LRRC4C: variants seen among roughly 807,000 people sequenced by gnomAD.
LRRC4C encodes the protein leucine rich repeat containing 4C.
Under a neutral mutation model 33.6 loss-of-function variants are expected in LRRC4C, and 5 were observed. The ratio of observed to expected loss-of-function variants is 0.15; its 90% CI spans 0.08 to 0.31. The LOEUF (loss-of-function observed/expected upper bound fraction) is 0.31. Among genes scored for constraint, LRRC4C ranks in the 10% least tolerant of loss-of-function variants. The probability of loss-of-function intolerance (pLI) is 1.00; values close to 1 mark genes in which losing one functional copy is unlikely to be tolerated. For missense variants in LRRC4C, 560 were observed against 796.7 expected (o/e 0.70, Z 3.58); for synonymous variants, 329 against 302.0 (o/e 1.09, Z -0.93).
intron 2 of LRRC4C, among the ~76,000 whole-genome samples, chr11:40,889,321 T>C (rs2136094287): frequency 6.6e-6 from 1 of 152,218 alleles, no homozygotes; most frequent in South Asian, 2.1e-4. Flanking sequence ...AGTAAAACAG[T>C]ATGCTTCAAT....
intron 3 of LRRC4C, among the ~76,000 whole-genome samples, chr11:40,356,306 C>T (rs1038000723): frequency 1.3e-5 from 2 of 151,986 alleles, no homozygotes; most frequent in African/African-American, 2.4e-5. Context: ...AGAACACCTC[C>T]GATGTTATGA....
chr11:40,936,014 TTATATATATATATA>T (rs56879078), intron 1 of LRRC4C, among the ~76,000 whole-genome samples: 126 of 49,308 alleles, frequency 2.6e-3, no homozygotes, highest in East Asian at 8.5e-3. Flanking sequence ...ATGCCAAATT[TTATATATATATATA>T]TATATATATA....
At chr11:40,971,142 G>A (rs1199502863) in intron 1 of LRRC4C, among the ~76,000 whole-genome samples, 1 of 152,196 alleles carries the variant, frequency 6.6e-6, no homozygotes, top group Non-Finnish European at 1.5e-5. Flanking sequence ...ATTCACATAA[G>A]TAAAGAGGAG....
intron 2 of LRRC4C, among the ~76,000 whole-genome samples, chr11:40,665,673 G>A (rs1477860490): frequency 2.6e-5 from 4 of 151,854 alleles, no homozygotes; most frequent in Non-Finnish European, 5.9e-5. Context: ...TACTACTCAT[G>A]AGTGTGTAAA....
intron 4 of LRRC4C, among the ~76,000 whole-genome samples, chr11:40,252,241 C>T (rs1261377048): frequency 6.6e-6 from 1 of 151,784 alleles, no homozygotes; most frequent in Non-Finnish European, 1.5e-5. Flanking sequence ...ACTCACCTAA[C>T]TCACACACAC....
At chr11:40,924,120 G>GTA (rs142262319) in intron 2 of LRRC4C, among the ~76,000 whole-genome samples, 1 of 134,652 alleles carries the variant, frequency 7.4e-6, no homozygotes, top group African/African-American at 2.5e-5. Flanking sequence ...GTGTGTGTGT[G>GTA]TGTATATATA....
chr11:41,208,509 G>T (rs1292873058), intron 1 of LRRC4C, among the ~76,000 whole-genome samples: 2 of 152,150 alleles, frequency 1.3e-5, no homozygotes, highest in African/African-American at 4.8e-5. Flanking sequence ...ATTACCCACA[G>T]AATTTAATCA....
At chr11:40,940,305 T>C (rs557825688) in intron 1 of LRRC4C, among the ~76,000 whole-genome samples, 1 of 152,242 alleles carries the variant, frequency 6.6e-6, no homozygotes, top group African/African-American at 2.4e-5. Context: ...TAGAATAGTA[T>C]ATTATTATTT....
At chr11:41,132,776 C>A (rs1360672198) in intron 1 of LRRC4C, among the ~76,000 whole-genome samples, 1 of 152,044 alleles carries the variant, frequency 6.6e-6, no homozygotes, top group African/African-American at 2.4e-5. Flanking sequence ...TTAAATTAAT[C>A]TTCTTTTATT....
chr11:40,764,372 C>T (rs1280444790), intron 2 of LRRC4C, among the ~76,000 whole-genome samples: 1 of 151,712 alleles, frequency 6.6e-6, no homozygotes, highest in Non-Finnish European at 1.5e-5. Context: ...GGGAAAGATT[C>T]CTTCTTGAGT....
chr11:40,335,416 G>C (rs1659032164), intron 3 of LRRC4C, among the ~76,000 whole-genome samples: 1 of 152,018 alleles, frequency 6.6e-6, no homozygotes, highest in Admixed American at 6.5e-5. Flanking sequence ...TCTTATCAAA[G>C]GGCTTTTCTA....
chr11:40,211,463 A>G (rs1172093238), intron 5 of LRRC4C, among the ~76,000 whole-genome samples: 3 of 152,244 alleles, frequency 2.0e-5, no homozygotes, highest in Non-Finnish European at 2.9e-5. Context: ...TTCAAGACTG[A>G]GAAAATGCTT....
At chr11:40,795,325 G>C (rs1269916498) in intron 2 of LRRC4C, among the ~76,000 whole-genome samples, 2 of 152,100 alleles carry the variant, frequency 1.3e-5, no homozygotes, top group Admixed American at 1.3e-4. Flanking sequence ...TCAGGAGATC[G>C]AGACCATCCT....
intron 1 of LRRC4C, among the ~76,000 whole-genome samples, chr11:41,158,933 CT>C (rs1944347491): frequency 6.6e-6 from 1 of 152,064 alleles, no homozygotes; most frequent in Admixed American, 6.6e-5. Context: ...AGGAACTGGA[CT>C]TTGTAGAAAT....
intron 2 of LRRC4C, among the ~76,000 whole-genome samples, chr11:40,837,248 C>T (rs942862457): frequency 6.6e-6 from 1 of 152,024 alleles, no homozygotes; most frequent in African/African-American, 2.4e-5. Context: ...AGATTCATTT[C>T]AGGTTTCAAA....
intron 3 of LRRC4C, among the ~76,000 whole-genome samples, chr11:40,381,589 C>T (rs1016567997): frequency 2.6e-5 from 4 of 152,204 alleles, no homozygotes; most frequent in Middle Eastern, 3.4e-3. Context: ...TCTTCACAAG[C>T]ATAAACTGAT....
rs557833700 is a variant in LRRC4C at position 40,862,444 on chromosome 11, C to A, written c.-407+71191G>T. ...CAGAATATTTTAAAGAAAATGGAAA[C>A]CATTTACTAAAGTAAGACATTTTAC... On this transcript the variant is annotated intron_variant, in intron 2 of 6. Transcript: ENST00000528697. Among the ~76,000 whole-genome samples the A allele has an allele frequency of 1.8e-4, 27 of 152,266 alleles. No homozygotes were observed. The South Asian group carries it at 5.2e-3, about 29-fold the overall frequency.
intron 3 of LRRC4C, among the ~76,000 whole-genome samples, chr11:40,331,382 T>C (rs1400091038): frequency 6.6e-6 from 1 of 152,132 alleles, no homozygotes; most frequent in Admixed American, 6.5e-5. Flanking sequence ...CTATTTACAA[T>C]AGCCAAGATA....
chr11:41,318,484 G>A (rs1278465273), intron 1 of LRRC4C, among the ~76,000 whole-genome samples: 1 of 152,116 alleles, frequency 6.6e-6, no homozygotes, highest in African/African-American at 2.4e-5. Context: ...CTTCTCATAA[G>A]AGATTGAAGG....
Sources: gnomAD v4.1 joint callset for allele counts (sites outside exome capture counted in the v4.1 genomes callset) on GRCh38, gnomAD v4.1.1 for gene constraint, MANE v1.5 for transcripts, NCBI Gene and HGNC (gene_info 2026-07-23, HGNC 2026-07-21) for gene names.